The following CACHD1 variants were observed in gnomAD, a reference collection of about 807,000 sequenced individuals.
CACHD1 encodes VWFA and cache domain-containing protein 1.
In CACHD1, 71 loss-of-function variants were observed where a neutral mutation model predicts 138.7. The observed-to-expected ratio is 0.51, with a 90% confidence interval of 0.42 to 0.62. The LOEUF (loss-of-function observed/expected upper bound fraction) is 0.62, where lower values mean the gene tolerates loss of function less well. Among genes scored for constraint, CACHD1 ranks in the 20% least tolerant of loss-of-function variants. The probability of loss-of-function intolerance (pLI) is 0.00; values close to 1 mark genes in which losing one functional copy is unlikely to be tolerated. For missense variants in CACHD1, 1,389 were observed against 1,625.3 expected (o/e 0.85, Z 2.50); for synonymous variants, 578 against 591.5 (o/e 0.98, Z 0.33).
In CACHD1 at chr1:64,582,137, G is replaced by A. The variant is rs1050552373; in HGVS notation, c.262-19G>A. The A allele has an allele frequency of 6.2e-7, 1 of 1,611,988 alleles. No homozygotes were observed. The highest frequency in any genetic ancestry group is 1.7e-5 in the Admixed American group (1 of 59,832). On this transcript the variant is annotated intron_variant, in intron 2 of 26. Transcript: ENST00000651257. The stretch of plus-strand genomic sequence containing the variant: ...TTGTCTTGGACTTTCGATTTATTTT[G>A]CTCACTGTCATCCCACAGCTAGCCA...
intron 2 of CACHD1, among the ~76,000 whole-genome samples, chr1:64,553,999 A>G (rs761416108): frequency 3.9e-5 from 6 of 152,070 alleles, no homozygotes; most frequent in Non-Finnish European, 8.8e-5. Flanking sequence ...TCCATTTTAT[A>G]GCTGACATTG....
intron 1 of CACHD1, among the ~76,000 whole-genome samples, chr1:64,535,595 G>T (rs760865171): frequency 2.0e-5 from 3 of 152,118 alleles, no homozygotes; most frequent in Non-Finnish European, 2.9e-5. Flanking sequence ...AAAGTGTTGG[G>T]ATTACAGGCA....
chr1:64,486,109 T>A (rs1646240293), intron 1 of CACHD1, among the ~76,000 whole-genome samples: 1 of 152,188 alleles, frequency 6.6e-6, no homozygotes, highest in South Asian at 2.1e-4. Context: ...ATTTCTCTAA[T>A]GAACAATGAT....
intron 1 of CACHD1, among the ~76,000 whole-genome samples, chr1:64,538,469 A>G (rs1646652357): frequency 6.6e-6 from 1 of 152,200 alleles, no homozygotes. Flanking sequence ...AGCAATTGGC[A>G]TGTCAGTAAA....
chr1:64,496,267 A>G (rs1309766023), intron 1 of CACHD1, among the ~76,000 whole-genome samples: 1 of 152,160 alleles, frequency 6.6e-6, no homozygotes, highest in Non-Finnish European at 1.5e-5. Context: ...AAATATTTTG[A>G]TTGCTTTTTA....
intron 2 of CACHD1, among the ~76,000 whole-genome samples, chr1:64,560,643 C>T (rs1416183425): frequency 1.3e-5 from 2 of 151,572 alleles, no homozygotes; most frequent in Admixed American, 1.3e-4. Context: ...GGTGGATATA[C>T]CAAGTGAACT....
intron 3 of CACHD1, among the ~76,000 whole-genome samples, chr1:64,599,913 G>GTTTA (rs1383470982): frequency 1.6e-4 from 24 of 152,170 alleles, no homozygotes; most frequent in Admixed American, 1.6e-3. Flanking sequence ...CTCTCTCCAG[G>GTTTA]TTTATACATT....
chr1:64,611,663 G>A (rs1387463234), intron 4 of CACHD1, among the ~76,000 whole-genome samples: 4 of 152,172 alleles, frequency 2.6e-5, no homozygotes, highest in African/African-American at 9.7e-5. Flanking sequence ...GGACCTCATT[G>A]TCCATATCAC....
intron 4 of CACHD1, among the ~76,000 whole-genome samples, chr1:64,626,297 A>G (rs543788851): frequency 6.6e-6 from 1 of 152,292 alleles, no homozygotes; most frequent in Non-Finnish European, 1.5e-5. Context: ...CACAAATTTT[A>G]ATGGCTGTCA....
chr1:64,685,397 A>G (rs776744540), intron 26 of CACHD1, among the ~76,000 whole-genome samples: 1 of 152,202 alleles, frequency 6.6e-6, no homozygotes, highest in Non-Finnish European at 1.5e-5. Context: ...CTCATAATGT[A>G]TCTCTGTCAT....
chr1:64,646,498 T>C (rs889902777), intron 8 of CACHD1, among the ~76,000 whole-genome samples: 19 of 151,860 alleles, frequency 1.3e-4, no homozygotes, highest in Admixed American at 3.3e-4. Context: ...GGAGACAAGG[T>C]GGGCAGATCA....
chr1:64,687,958 A>C (rs1650419858), intron 26 of CACHD1, among the ~76,000 whole-genome samples: 1 of 152,072 alleles, frequency 6.6e-6, no homozygotes, highest in African/African-American at 2.4e-5. Context: ...AGATGTGCAC[A>C]GAATGCATGT....
chr1:64,533,894 A>C (rs2100410103), intron 1 of CACHD1, among the ~76,000 whole-genome samples: 1 of 151,754 alleles, frequency 6.6e-6, no homozygotes, highest in Admixed American at 6.6e-5. Flanking sequence ...CTGGGACTAC[A>C]GGCACCAGCC....
intron 1 of CACHD1, among the ~76,000 whole-genome samples, chr1:64,473,042 C>A (rs1222418894): frequency 6.6e-6 from 1 of 152,094 alleles, no homozygotes; most frequent in African/African-American, 2.4e-5. Flanking sequence ...AAAGACACTT[C>A]GAAAAAAAGC....
chr1:64,520,334 C>T (rs1461161858), intron 1 of CACHD1, among the ~76,000 whole-genome samples: 1 of 152,160 alleles, frequency 6.6e-6, no homozygotes, highest in East Asian at 1.9e-4. Flanking sequence ...GCAAAGAAGC[C>T]ATTCGTCTCA....
At chr1:64,629,085 T>C (rs1382939293) in intron 4 of CACHD1, among the ~76,000 whole-genome samples, 1 of 152,176 alleles carries the variant, frequency 6.6e-6, no homozygotes, top group Admixed American at 6.6e-5. Flanking sequence ...TGCAAATGAA[T>C]CATTTGTACT....
chr1:64,623,633 G>A (rs560652815), intron 4 of CACHD1, among the ~76,000 whole-genome samples: 24 of 152,262 alleles, frequency 1.6e-4, no homozygotes, highest in Non-Finnish European at 2.5e-4. Context: ...GAGCTGGAAC[G>A]TACCTATAAC....
rs754480208 is a variant in CACHD1 at position 64,634,283 on chromosome 1, C to T, written c.1006+23C>T. 15 of 1,579,244 alleles carry T rather than the reference C, an allele frequency of 9.5e-6. 1 individual carries two copies. The South Asian group carries it at 1.2e-4, about 13-fold the overall frequency. ...CAAGTGAGTGCGTTCTCTCAGAGGA[C>T]TTAGAGGCATAGTAGATAAAGATGG... On this transcript the variant is annotated intron_variant, in intron 7 of 26. Coordinates refer to ENST00000651257, the MANE Select transcript of CACHD1 (RefSeq NM_020925.4).
Position 64,663,508 on chromosome 1 carries a change from G to A in CACHD1, c.1952-187G>A, listed in dbSNP as rs374007433. ...GGAGTTTGCAGTGATCCGAAGCCGC[G>A]CCACTTCACACCAGCCTGGGCCACA... is the stretch of plus-strand genomic sequence containing the variant. On this transcript the variant is annotated intron_variant, in intron 13 of 26. Coordinates refer to ENST00000651257, the MANE Select transcript of CACHD1 (RefSeq NM_020925.4). 1.8e-4 allele frequency among the ~76,000 whole-genome samples: 26 copies of A among 146,296 alleles called. No homozygotes were observed. In the East Asian group the frequency reaches 2.4e-3, roughly 14 times the overall value.
Sources: allele counts gnomAD v4.1 joint callset (sites outside exome capture counted in the v4.1 genomes callset), GRCh38; gene constraint gnomAD v4.1.1; transcripts MANE v1.5; gene names NCBI Gene and HGNC (gene_info 2026-07-23, HGNC 2026-07-21).